CDH3: variants seen among roughly 807,000 people sequenced by gnomAD.
CDH3 encodes the protein cadherin-3.
In CDH3, 54 loss-of-function variants were observed where a neutral mutation model predicts 82.0. That is an observed-to-expected ratio of 0.66 (90% CI 0.53 to 0.83). The LOEUF (loss-of-function observed/expected upper bound fraction) is 0.83, where lower values mean the gene tolerates loss of function less well. Among genes scored for constraint, CDH3 ranks in the 40% least tolerant of loss-of-function variants. The pLI, the probability that CDH3 is intolerant of heterozygous loss-of-function variation, is 0.00. For missense variants in CDH3, 1,054 were observed against 1,084.6 expected (o/e 0.97, Z 0.40); for synonymous variants, 446 against 437.9 (o/e 1.02, Z -0.23).
chr16:68,719,069 C>T (rs1962128562), intron 1 of CDH3, among the ~76,000 whole-genome samples: 1 of 151,878 alleles, frequency 6.6e-6, no homozygotes, highest in South Asian at 2.1e-4. Context: ...ATGGTGAAAC[C>T]CCGTCTCTAC....
At chr16:68,665,991 C>A (rs987473401) in intron 2 of CDH3, among the ~76,000 whole-genome samples, 23 of 152,130 alleles carry the variant, frequency 1.5e-4, no homozygotes, top group Admixed American at 1.2e-3. Flanking sequence ...GGGGGCCTAC[C>A]ACCCATACGG....
At chr16:68,713,328 A>T (rs2152110341) in intron 1 of CDH3, among the ~76,000 whole-genome samples, 1 of 152,232 alleles carries the variant, frequency 6.6e-6, no homozygotes, top group Admixed American at 6.5e-5. Flanking sequence ...CAACAAGCAT[A>T]TCGGGTTGCT....
At chr16:68,713,452 G>T (rs1323407225) in intron 1 of CDH3, among the ~76,000 whole-genome samples, 1 of 151,724 alleles carries the variant, frequency 6.6e-6, no homozygotes, top group African/African-American at 2.4e-5. Context: ...GTGTTTCAGA[G>T]TCTGCTTACA....
chr16:68,659,066 T>G lies in CDH3; in HGVS notation c.160+13316T>G, dbSNP rs1336873026. On this transcript the variant is annotated intron_variant, in intron 2 of 15. Coordinates refer to ENST00000264012, the MANE Select transcript of CDH3 (RefSeq NM_001793.6). ...CAGATAAAGTTCTTAGTACTTTATA[T>G]GCATCAGCTCATTTAATCCTCAAAC... Among the ~76,000 whole-genome samples, 4 of 152,236 alleles carry G rather than the reference T, an allele frequency of 2.6e-5. No homozygotes were observed. In the South Asian group the frequency reaches 6.2e-4, roughly 24 times the overall value.
intron 1 of CDH3, 48 bp from the exon 2 acceptor site, chr16:68,645,588 C>G (rs1026432136): frequency 2.0e-6 from 3 of 1,493,964 alleles, no homozygotes; most frequent in African/African-American, 1.4e-5. Flanking sequence ...AGTGCAGGGC[C>G]GGGCACGCCT....
At chr16:68,690,626 A>ATGCTCAGTTGGAAATAT in intron 12 of CDH3, among the ~76,000 whole-genome samples, 1 of 135,728 alleles carries the variant, frequency 7.4e-6, no homozygotes, top group East Asian at 2.3e-4. Context: ...AAAAAATTGA[A>ATGCTCAGTTGGAAATAT]GGCCGGGCAC....
intron 2 of CDH3, chr16:68,651,969 G>A (rs775889646): frequency 2.2e-5 from 7 of 322,362 alleles, no homozygotes; most frequent in African/African-American, 6.5e-5. Flanking sequence ...TGGCAGGTGC[G>A]GTGGCAGGAC....
At chr16:68,693,672 C>A (rs546833366) in intron 13 of CDH3, among the ~76,000 whole-genome samples, 5 of 152,228 alleles carry the variant, frequency 3.3e-5, no homozygotes, top group Middle Eastern at 3.4e-3. Flanking sequence ...CATGTGCATG[C>A]ATCTTCAGAA....
chr16:68,650,110 C>T (rs62055323), intron 2 of CDH3, among the ~76,000 whole-genome samples: 34,075 of 151,736 alleles, frequency 0.22, 4,140 homozygotes, highest in African/African-American at 0.29. Flanking sequence ...GCCCCAACAA[C>T]TCAGAATTCT....
At chr16:68,675,291 T>A (rs1261294226) in intron 2 of CDH3, among the ~76,000 whole-genome samples, 1 of 152,148 alleles carries the variant, frequency 6.6e-6, no homozygotes, top group African/African-American at 2.4e-5. Flanking sequence ...CGTGGGGCCG[T>A]CCTTGTGGTC....
At chr16:68,731,497 TATATACACACACAC>T (rs1197885817), downstream of CDH3, among the ~76,000 whole-genome samples, 4 of 25,622 alleles carry the variant, frequency 1.6e-4, 1 homozygote, top group Admixed American at 7.8e-4. Flanking sequence ...TACACATATA[TATATACACACACAC>T]ATATACACAC....
At chr16:68,686,494 G>A in intron 11 of CDH3, 1 of 1,182,630 alleles carries the variant, frequency 8.5e-7, no homozygotes. Context: ...AAATCTCAAG[G>A]AAAAGTATTG....
chr16:68,675,981 G>C (rs1237938778), intron 2 of CDH3, among the ~76,000 whole-genome samples: 2 of 152,092 alleles, frequency 1.3e-5, no homozygotes, highest in Non-Finnish European at 2.9e-5. Context: ...AGGTTGTCCA[G>C]GTGATCCTGT....
At chr16:68,650,553 G>T (rs1420770200) in intron 2 of CDH3, among the ~76,000 whole-genome samples, 2 of 152,182 alleles carry the variant, frequency 1.3e-5, no homozygotes, top group Non-Finnish European at 2.9e-5. Context: ...TGCCCACCTT[G>T]GCCTCCCAGA....
At chr16:68,656,722 C>T (rs1402239830) in intron 2 of CDH3, among the ~76,000 whole-genome samples, 1 of 152,214 alleles carries the variant, frequency 6.6e-6, no homozygotes, top group Non-Finnish European at 1.5e-5. Flanking sequence ...TATTTGGAGT[C>T]TTCTGGCCCC....
intron 1 of CDH3, among the ~76,000 whole-genome samples, chr16:68,706,441 C>A (rs530492189): frequency 6.6e-6 from 1 of 152,174 alleles, no homozygotes; most frequent in African/African-American, 2.4e-5. Flanking sequence ...CCATTGACCA[C>A]CCCATGGGCC....
In CDH3 at chr16:68,685,223, C is replaced by A; in HGVS notation, c.1443C>A (p.Asp481Glu). The part of the protein sequence containing the change: ...NQKISYRILR[D>E]PAGWLAMDPD... ...TCTCCAGCTACCGCATCCTGAGAGACCCAGCAGGGTGGCTAGCCATGGACC... is the reference window on the plus strand; with the variant it reads ...TCTCCAGCTACCGCATCCTGAGAGAACCAGCAGGGTGGCTAGCCATGGACC... Residue 481 changes from aspartate to glutamate, a missense_variant, in exon 11 of 16, where the codon GAC becomes GAA. Asp to Glu is a conservative substitution (Grantham distance 45, BLOSUM62 2). Transcript: ENST00000264012. 6.2e-7 allele frequency: 1 copy of A among 1,614,144 alleles called. No homozygotes were observed. Among genetic ancestry groups the A allele is most frequent in the Non-Finnish European group, 8.5e-7 (1 of 1,180,022 alleles).
chr16:68,686,523 T>C, intron 11 of CDH3: 1 of 1,113,316 alleles, frequency 9.0e-7, no homozygotes, highest in Middle Eastern at 2.0e-4. Context: ...GTAGTTGCTG[T>C]TGGATCGGAT....
chr16:68,682,895 C>T (rs1961271875), intron 9 of CDH3, among the ~76,000 whole-genome samples: 1 of 152,132 alleles, frequency 6.6e-6, no homozygotes, highest in Non-Finnish European at 1.5e-5. Flanking sequence ...CTCAAAAAGT[C>T]TCTTTTTTGT....
Sources: gnomAD v4.1 joint callset for allele counts (sites outside exome capture counted in the v4.1 genomes callset) on GRCh38, gnomAD v4.1.1 for gene constraint, MANE v1.5 for transcripts, NCBI Gene and HGNC (gene_info 2026-07-23, HGNC 2026-07-21) for gene names.